The following CYB5A variants were observed in gnomAD, a reference collection of about 807,000 sequenced individuals.
CYB5A encodes cytochrome b5 type A, also known as cytochrome b5.
CYB5A carries 10 observed loss-of-function variants against 16.2 expected under a neutral mutation model. The ratio of observed to expected loss-of-function variants is 0.62; its 90% CI spans 0.38 to 1.04. The LOEUF is 1.04. CYB5A is among the 50% of genes least tolerant of loss of function. The pLI is 0.01. For synonymous variants in CYB5A, 62 were observed against 57.0 expected, an observed-to-expected ratio of 1.09 and a Z score of -0.40; for missense variants, 161 against 165.9, an observed-to-expected ratio of 0.97 and a Z score of 0.16.
chr18:74,268,630 G>A (rs1227735094), intron 1 of CYB5A, among the ~76,000 whole-genome samples: 1 of 152,160 alleles, frequency 6.6e-6, no homozygotes, highest in Non-Finnish European at 1.5e-5. Context: ...ACTCCAGAGG[G>A]TAGGGTGGGG....
chr18:74,258,461 T>A (rs1982073183), intron 3 of CYB5A: 1 of 152,228 alleles, frequency 6.6e-6, no homozygotes, highest in Non-Finnish European at 1.5e-5. Flanking sequence ...ATGCTTTCCT[T>A]AGGGCAGGTT....
At chr18:74,281,763 G>GTGTGTGTGTGTT (rs960400983) in intron 1 of CYB5A, among the ~76,000 whole-genome samples, 18 of 150,758 alleles carry the variant, frequency 1.2e-4, no homozygotes, top group African/African-American at 4.2e-4. Context: ...GTGTGTGTGT[G>GTGTGTGTGTGTT]TGTGTATGTG....
chr18:74,288,033 C>A (rs1391472351), intron 1 of CYB5A, among the ~76,000 whole-genome samples: 1 of 152,142 alleles, frequency 6.6e-6, no homozygotes, highest in East Asian at 1.9e-4. Context: ...AATATGTAGG[C>A]AATAAAGCTC....
chr18:74,259,463 G>A (rs1982112813), intron 3 of CYB5A: 1 of 152,208 alleles, frequency 6.6e-6, no homozygotes, highest in African/African-American at 2.4e-5. Flanking sequence ...AGTATAGGCT[G>A]TAATACACGT....
In CYB5A at chr18:74,255,784, C is replaced by T. The variant is rs776987400; in HGVS notation, c.289-9G>A. ...GTAGTGATAAGAGTTTCCTGAAACA[C>T]GAGAGGAAAAAGTAAAGTAAGTTCA... On this transcript the variant is annotated splice_polypyrimidine_tract_variant and intron_variant, in intron 3 of 4. Transcript: ENST00000340533. 27 of 1,607,256 alleles carry T rather than the reference C, an allele frequency of 1.7e-5. No homozygotes were observed. The highest frequency in any genetic ancestry group is 1.0e-4 in the Admixed American group (6 of 59,968).
At chr18:74,276,881 T>C (rs1343734084) in intron 1 of CYB5A, among the ~76,000 whole-genome samples, 1 of 152,124 alleles carries the variant, frequency 6.6e-6, no homozygotes, top group Non-Finnish European at 1.5e-5. Flanking sequence ...TATAATTAAT[T>C]AGTAGACTCC....
chr18:74,287,138 C>G (rs1384487897), intron 1 of CYB5A, among the ~76,000 whole-genome samples: 1 of 152,178 alleles, frequency 6.6e-6, no homozygotes, highest in African/African-American at 2.4e-5. Flanking sequence ...TATTTCCCTT[C>G]TACAGACTCT....
chr18:74,269,087 T>G (rs1253662684), intron 1 of CYB5A, among the ~76,000 whole-genome samples: 1 of 152,114 alleles, frequency 6.6e-6, no homozygotes, highest in Non-Finnish European at 1.5e-5. Context: ...CAGTCTAAAT[T>G]CAGAAGACAT....
chr18:74,253,970 G>T (rs892382277), intron 4 of CYB5A, among the ~76,000 whole-genome samples: 3 of 152,196 alleles, frequency 2.0e-5, no homozygotes, highest in African/African-American at 7.2e-5. Context: ...CTTGAGGTCA[G>T]AAGTTTGAGA....
chr18:74,279,365 T>TA (rs907045026), intron 1 of CYB5A, among the ~76,000 whole-genome samples: 2 of 152,184 alleles, frequency 1.3e-5, no homozygotes, highest in African/African-American at 2.4e-5. Flanking sequence ...CTGTCTCTAC[T>TA]AAAAAATACA....
chr18:74,287,721 G>A (rs1983371980), intron 1 of CYB5A, among the ~76,000 whole-genome samples: 1 of 152,210 alleles, frequency 6.6e-6, no homozygotes, highest in South Asian at 2.1e-4. Flanking sequence ...AATTTTCCAG[G>A]ACAGTATCTA....
intron 1 of CYB5A, among the ~76,000 whole-genome samples, chr18:74,267,271 C>T (rs1982480792): frequency 6.6e-6 from 1 of 152,126 alleles, no homozygotes; most frequent in Non-Finnish European, 1.5e-5. Flanking sequence ...ATTCTCCTGT[C>T]TCAGCCTCTG....
intron 1 of CYB5A, among the ~76,000 whole-genome samples, chr18:74,289,562 G>A (rs1983448164): frequency 6.6e-6 from 1 of 152,108 alleles, no homozygotes; most frequent in African/African-American, 2.4e-5. Flanking sequence ...GATCACCTGA[G>A]ATCAGCAGTT....
At chr18:74,262,195 T>C (rs1350678879) in intron 2 of CYB5A, among the ~76,000 whole-genome samples, 1 of 152,200 alleles carries the variant, frequency 6.6e-6, no homozygotes, top group Non-Finnish European at 1.5e-5. Context: ...GACTCACACC[T>C]GTAATCCTAG....
chr18:74,282,746 G>A (rs1370743280), intron 1 of CYB5A, among the ~76,000 whole-genome samples: 1 of 152,196 alleles, frequency 6.6e-6, no homozygotes, highest in African/African-American at 2.4e-5. Context: ...GATCAGGTGT[G>A]GGCATTAGCA....
chr18:74,266,800 C>A, intron 1 of CYB5A, among the ~76,000 whole-genome samples: 1 of 145,960 alleles, frequency 6.9e-6, no homozygotes, highest in African/African-American at 2.5e-5. Context: ...ATTGGTTTCA[C>A]TGATAACTCA....
chr18:74,255,429 T>G (rs931219568), intron 4 of CYB5A, among the ~76,000 whole-genome samples: 33 of 152,188 alleles, frequency 2.2e-4, no homozygotes, highest in Non-Finnish European at 1.3e-4. Flanking sequence ...TCTGCTTGGA[T>G]GAGCCAGGGA....
chr18:74,291,830 C>T lies in CYB5A; in HGVS notation c.46G>A (p.Glu16Lys). 6.2e-7 allele frequency: 1 copy of T among 1,613,920 alleles called. No homozygotes were observed. Among genetic ancestry groups the T allele is most frequent in the Non-Finnish European group, 8.5e-7 (1 of 1,179,880 alleles). The change falls in exon 1 of 5, where the codon GAG becomes AAG. Residue 16 changes from glutamate to lysine, a missense_variant. Physicochemically the swap from Glu to Lys is moderately conservative, Grantham distance 56. Transcript: ENST00000340533. The part of the protein sequence containing the change: ...DEAVKYYTLE[E>K]IQKHNHSKST... ...TTGCTGTGGTTGTGCTTCTGAATCT[C>T]CTCTAGGGTGTAGTACTTCACGGCC... is the stretch of plus-strand genomic sequence containing the variant.
chr18:74,260,967 AT>A, intron 2 of CYB5A, 23 bp from the exon 3 acceptor site: 1 of 1,604,228 alleles, frequency 6.2e-7, no homozygotes, highest in Non-Finnish European at 8.5e-7. Context: ...GATAAGGCAC[AT>A]TATGGAATTT....
Sources: allele counts gnomAD v4.1 joint callset (sites outside exome capture counted in the v4.1 genomes callset), GRCh38; gene constraint gnomAD v4.1.1; transcripts MANE v1.5; gene names NCBI Gene and HGNC (gene_info 2026-07-23, HGNC 2026-07-21).